The following PHC3 variants were observed in gnomAD, a reference collection of about 807,000 sequenced individuals.
PHC3 encodes the protein polyhomeotic-like protein 3.
Under a neutral mutation model 107.4 loss-of-function variants are expected in PHC3, and 13 were observed. The observed-to-expected ratio is 0.12, with a 90% CI of 0.08 to 0.19. PHC3 has a LOEUF of 0.19. PHC3 is among the 10% of genes least tolerant of loss of function. The pLI, the probability that PHC3 is intolerant of heterozygous loss-of-function variation, is 1.00. For synonymous variants in PHC3, 456 were observed against 427.4 expected (o/e 1.07, Z -0.83); for missense variants, 992 against 1,210.9 (o/e 0.82, Z 2.68).
chr3:170,114,782 T>C (rs1325702719), intron 10 of PHC3, among the ~76,000 whole-genome samples: 1 of 152,256 alleles, frequency 6.6e-6, no homozygotes, highest in East Asian at 1.9e-4. Flanking sequence ...TCCTCAAGAA[T>C]GCTGGTTAAG....
chr3:170,175,636 A>AAAAAG (rs1560138131), intron 2 of PHC3, among the ~76,000 whole-genome samples: 1 of 148,742 alleles, frequency 6.7e-6, no homozygotes, highest in African/African-American at 2.5e-5. Flanking sequence ...AAAAAAAAAA[A>AAAAAG]GGGGGGGGCC....
Position 170,092,272 on chromosome 3 carries a change from TTA to T in PHC3, c.*4956_*4957del, listed in dbSNP as rs1260259930. 1 of 152,278 alleles carries T rather than the reference TTA, an allele frequency of 6.6e-6. No homozygotes were observed. Among genetic ancestry groups the T allele is most frequent in the African/African-American group, 2.4e-5 (1 of 41,460 alleles). 9.4% of individuals were successfully genotyped at this position (152,278 alleles called of 1,614,324 possible). On this transcript the variant is annotated 3_prime_UTR_variant, in exon 15 of 15. Coordinates refer to ENST00000495893, the MANE Select transcript of PHC3 (RefSeq NM_024947.4). Reference sequence around the variant, plus strand: ...ACCTCAGCCTCCCAAAGTGCTGGGATTACAGGTGTGAGCCACCATGCCCAGCC... The same window carrying T: ...ACCTCAGCCTCCCAAAGTGCTGGGATCAGGTGTGAGCCACCATGCCCAGCC...
intron 9 of PHC3, among the ~76,000 whole-genome samples, chr3:170,119,649 T>C (rs574986016): frequency 6.6e-6 from 1 of 152,292 alleles, no homozygotes; most frequent in Admixed American, 6.5e-5. Flanking sequence ...TGATAAAATT[T>C]TGCCACAAAT....
rs182517594 is a variant in PHC3 at position 170,108,565 on chromosome 3, A to G, written c.2354-1619T>C. On this transcript the variant is annotated intron_variant, in intron 11 of 14. Coordinates refer to ENST00000495893, the MANE Select transcript of PHC3 (RefSeq NM_024947.4). The stretch of plus-strand genomic sequence containing the variant: ...GCAATGAGGAAGAAACAGTCTCAAA[A>G]CAAGTAAATTAAAAATTGCCCCTTC... 5.9e-5 allele frequency among the ~76,000 whole-genome samples: 9 copies of G among 152,274 alleles called. No homozygotes were observed. In the East Asian group the frequency reaches 1.7e-3, roughly 29 times the overall value.
At chr3:170,102,447 A>G (rs752509932) in intron 14 of PHC3, 32 bp downstream of exon 14, 14 of 1,599,764 alleles carry the variant, frequency 8.8e-6, no homozygotes, top group Non-Finnish European at 1.2e-5. Context: ...TGCACAAGAA[A>G]AATATTAAGG....
intron 10 of PHC3, among the ~76,000 whole-genome samples, chr3:170,116,788 G>A (rs1237426723): frequency 6.6e-6 from 1 of 151,696 alleles, no homozygotes; most frequent in Non-Finnish European, 1.5e-5. Flanking sequence ...GCGCACACCT[G>A]TAGTCTCAGC....
chr3:170,104,810 G>A (rs1716161456), intron 12 of PHC3, among the ~76,000 whole-genome samples: 1 of 152,160 alleles, frequency 6.6e-6, no homozygotes, highest in Non-Finnish European at 1.5e-5. Flanking sequence ...TCGAGATCCT[G>A]CTGTGTTCAT....
intron 6 of PHC3, among the ~76,000 whole-genome samples, chr3:170,137,450 G>A (rs527417438): frequency 6.6e-6 from 1 of 152,250 alleles, no homozygotes; most frequent in Admixed American, 6.5e-5. Flanking sequence ...TCCAAAAGTT[G>A]CTGAACTTCT....
intron 4 of PHC3, among the ~76,000 whole-genome samples, chr3:170,151,615 A>T (rs1725993447): frequency 6.6e-6 from 1 of 152,234 alleles, no homozygotes; most frequent in Admixed American, 6.5e-5. Flanking sequence ...GGAGGGCTAC[A>T]AGTCAAATCC....
In PHC3 at chr3:170,103,173, G is replaced by C. The variant is rs149146320; in HGVS notation, c.2469-239C>G. 7.3e-3 allele frequency among the ~76,000 whole-genome samples: 1,115 copies of C among 152,116 alleles called. 5 individuals are homozygous for C. Among genetic ancestry groups the C allele is most frequent in the Non-Finnish European group, 0.011 (742 of 68,004 alleles). On this transcript the variant is annotated intron_variant, in intron 12 of 14. Transcript: ENST00000495893. ...ATATAATACTGGACATCTATAACAA[G>C]GTATTGTATTTTTTCCTGATTACAG... is the stretch of plus-strand genomic sequence containing the variant.
intron 10 of PHC3, among the ~76,000 whole-genome samples, chr3:170,114,144 G>C (rs1718426986): frequency 6.6e-6 from 1 of 152,056 alleles, no homozygotes; most frequent in Non-Finnish European, 1.5e-5. Context: ...CAAGTAGCTG[G>C]GATTACGGGC....
chr3:170,099,209 G>A (rs909789847), intron 14 of PHC3, among the ~76,000 whole-genome samples: 1 of 152,158 alleles, frequency 6.6e-6, no homozygotes, highest in Non-Finnish European at 1.5e-5. Context: ...TCTGTATTGT[G>A]AGATTCCTCT....
chr3:170,168,034 C>T (rs571712455), intron 4 of PHC3, among the ~76,000 whole-genome samples: 4 of 151,662 alleles, frequency 2.6e-5, no homozygotes, highest in East Asian at 2.0e-4. Flanking sequence ...TAGTGGTGTG[C>T]GCCTGTAGTC....
At chr3:170,116,867 C>T (rs2108372859) in intron 10 of PHC3, among the ~76,000 whole-genome samples, 1 of 150,968 alleles carries the variant, frequency 6.6e-6, no homozygotes, top group Middle Eastern at 3.5e-3. Flanking sequence ...GCCATGATCG[C>T]ACCACTGCAC....
chr3:170,126,520 A>ATT (rs1196895605), intron 8 of PHC3, among the ~76,000 whole-genome samples: 8 of 81,368 alleles, frequency 9.8e-5, no homozygotes, highest in Non-Finnish European at 1.4e-4. Context: ...ATATATATAT[A>ATT]TATATATATT....
intron 12 of PHC3, among the ~76,000 whole-genome samples, chr3:170,104,024 A>G (rs1715990511): frequency 6.6e-6 from 1 of 152,160 alleles, no homozygotes; most frequent in African/African-American, 2.4e-5. Flanking sequence ...GAGCTGTGAT[A>G]GCGCCACTGC....
chr3:170,141,091 G>C (rs948985499), intron 6 of PHC3, among the ~76,000 whole-genome samples: 4 of 152,098 alleles, frequency 2.6e-5, no homozygotes, highest in Non-Finnish European at 5.9e-5. Context: ...GACTTCTATA[G>C]CTTAAAGAAT....
chr3:170,152,088 A>G (rs1726084676), intron 4 of PHC3, among the ~76,000 whole-genome samples: 1 of 152,030 alleles, frequency 6.6e-6, no homozygotes, highest in South Asian at 2.1e-4. Context: ...TTATTTTAAT[A>G]TAATAGTTAA....
chr3:170,173,695 AC>A (rs1418185979), intron 2 of PHC3, among the ~76,000 whole-genome samples: 1 of 152,264 alleles, frequency 6.6e-6, no homozygotes, highest in Non-Finnish European at 1.5e-5. Flanking sequence ...ATATTTACTA[AC>A]AAAAAGAAAA....
Sources: allele counts gnomAD v4.1 joint callset (sites outside exome capture counted in the v4.1 genomes callset), GRCh38; gene constraint gnomAD v4.1.1; transcripts MANE v1.5; gene names NCBI Gene and HGNC (gene_info 2026-07-23, HGNC 2026-07-21).